SYT1: variants seen among roughly 807,000 people sequenced by gnomAD.
SYT1 encodes synaptotagmin 1, also known as synaptotagmin-1.
In SYT1, 8 loss-of-function variants were observed where a neutral mutation model predicts 44.8. The ratio of observed to expected loss-of-function variants is 0.18; its 90% CI spans 0.10 to 0.32. The LOEUF (loss-of-function observed/expected upper bound fraction) is 0.32. Among genes scored for constraint, SYT1 ranks in the 10% least tolerant of loss-of-function variants. SYT1 has a pLI of 1.00. For missense variants in SYT1, 286 were observed against 509.3 expected (o/e 0.56, Z 4.22); for synonymous variants, 154 against 188.8 (o/e 0.82, Z 1.51).
intron 8 of SYT1, among the ~76,000 whole-genome samples, chr12:79,334,785 T>G (rs1882013791): frequency 6.6e-6 from 1 of 152,202 alleles, no homozygotes; most frequent in Non-Finnish European, 1.5e-5. Flanking sequence ...CTTCATAGGT[T>G]GCCCTTTGTA....
intron 4 of SYT1, among the ~76,000 whole-genome samples, chr12:79,233,484 C>T (rs1565867177): frequency 6.6e-6 from 1 of 152,148 alleles, no homozygotes; most frequent in Non-Finnish European, 1.5e-5. Flanking sequence ...ATCAGGCACA[C>T]AAAGCACAGC....
chr12:79,125,025 G>T (rs150947950), intron 3 of SYT1, among the ~76,000 whole-genome samples: 157 of 152,012 alleles, frequency 1.0e-3, no homozygotes, highest in African/African-American at 3.2e-3. Flanking sequence ...GGTTTTGTTT[G>T]GTTTGGTTTG....
At chr12:79,179,825 G>A (rs969656223) in intron 3 of SYT1, among the ~76,000 whole-genome samples, 1 of 151,914 alleles carries the variant, frequency 6.6e-6, no homozygotes, top group African/African-American at 2.4e-5. Context: ...ACCACTAAGG[G>A]TGTCTCACTT....
rs79232336 is a variant in SYT1 at position 79,308,546 on chromosome 12, A to AAGACAGAAAGAC, written c.810+8998_810+8999insCAGAAAGACAGA. Among the ~76,000 whole-genome samples, 3 of 148,482 alleles carry AAGACAGAAAGAC rather than the reference A, an allele frequency of 2.0e-5. 1 individual carries two copies. Among genetic ancestry groups the AAGACAGAAAGAC allele is most frequent in the South Asian group, 4.4e-4 (2 of 4,594 alleles). On this transcript the variant is annotated intron_variant, in intron 8 of 10. Coordinates refer to ENST00000261205, the MANE Select transcript of SYT1 (RefSeq NM_005639.3). ...GAAAGAAGAAATAAAGAAAGAAAGA[A>AAGACAGAAAGAC]AGAAAAAAGAAAGAAAGGAAAAGAA...
chr12:79,132,674 CAAAAAAAAAAAAAAAA>C (rs71091641), intron 3 of SYT1, among the ~76,000 whole-genome samples: 1 of 43,716 alleles, frequency 2.3e-5, no homozygotes, highest in Non-Finnish European at 4.3e-5. Flanking sequence ...GGAGTTTTCT[CAAAAAAAAAAAAAAAA>C]AAAAAAAAAA....
At chr12:79,359,968 G>A (rs993466747) in intron 9 of SYT1, among the ~76,000 whole-genome samples, 1 of 151,968 alleles carries the variant, frequency 6.6e-6, no homozygotes, top group Admixed American at 6.6e-5. Context: ...AATCACCTAG[G>A]GTACTTATTA....
intron 9 of SYT1, among the ~76,000 whole-genome samples, chr12:79,422,971 C>CA (rs1555224750): frequency 6.6e-6 from 1 of 152,098 alleles, no homozygotes; most frequent in Non-Finnish European, 1.5e-5. Context: ...GTCCAATAGC[C>CA]AATCCACTAC....
chr12:79,048,140 T>C (rs1874211017), intron 3 of SYT1, among the ~76,000 whole-genome samples: 1 of 151,858 alleles, frequency 6.6e-6, no homozygotes, highest in East Asian at 1.9e-4. Flanking sequence ...GAAATTGCAT[T>C]TCAAACTCAA....
intron 9 of SYT1, among the ~76,000 whole-genome samples, chr12:79,431,509 T>TTA (rs1404720347): frequency 1.3e-4 from 13 of 102,944 alleles, no homozygotes; most frequent in African/African-American, 2.5e-4. Context: ...TTTTATTTTA[T>TTA]TTTATTATTT....
intron 8 of SYT1, among the ~76,000 whole-genome samples, chr12:79,343,516 G>T (rs948783842): frequency 6.6e-6 from 1 of 152,166 alleles, no homozygotes; most frequent in Non-Finnish European, 1.5e-5. Flanking sequence ...ATTGCCTGAG[G>T]CTTAGTAGGT....
intron 3 of SYT1, among the ~76,000 whole-genome samples, chr12:79,179,537 A>AGATATG (rs1872368333): frequency 4.7e-5 from 1 of 21,430 alleles, no homozygotes; most frequent in African/African-American, 2.6e-4. Flanking sequence ...ATATAGATAT[A>AGATATG]GATATAGAGA....
intron 3 of SYT1, among the ~76,000 whole-genome samples, chr12:79,154,495 A>AATC (rs1412158129): frequency 6.6e-6 from 1 of 151,818 alleles, no homozygotes. Flanking sequence ...TTGGAGCTAG[A>AATC]TTAGGAAGCA....
At chr12:79,067,333 C>G (rs1361155277) in intron 3 of SYT1, among the ~76,000 whole-genome samples, 1 of 151,806 alleles carries the variant, frequency 6.6e-6, no homozygotes, top group Non-Finnish European at 1.5e-5. Context: ...TTAAGTTCTG[C>G]TCTCTATATT....
chr12:79,330,233 T>C (rs1248579897), intron 8 of SYT1, among the ~76,000 whole-genome samples: 1 of 152,186 alleles, frequency 6.6e-6, no homozygotes. Context: ...CTGTTTCCTG[T>C]GCATTCAGGA....
intron 3 of SYT1, among the ~76,000 whole-genome samples, chr12:79,061,974 A>G (rs1875420509): frequency 6.6e-6 from 1 of 152,202 alleles, no homozygotes; most frequent in African/African-American, 2.4e-5. Flanking sequence ...GAAGAAAAAG[A>G]TAATTTTTTT....
intron 1 of SYT1, among the ~76,000 whole-genome samples, chr12:78,872,537 G>C (rs1873877393): frequency 6.6e-6 from 1 of 151,698 alleles, no homozygotes; most frequent in Admixed American, 6.6e-5. Context: ...GAATGATATA[G>C]GAATTCCTTT....
At chr12:79,345,639 A>G (rs565733223) in intron 8 of SYT1, among the ~76,000 whole-genome samples, 9 of 152,342 alleles carry the variant, frequency 5.9e-5, no homozygotes, top group African/African-American at 1.9e-4. Flanking sequence ...GCAACATTTC[A>G]CACTGTGACC....
intron 6 of SYT1, among the ~76,000 whole-genome samples, chr12:79,292,540 AT>A (rs1203709514): frequency 6.6e-6 from 1 of 152,212 alleles, no homozygotes; most frequent in Non-Finnish European, 1.5e-5. Flanking sequence ...TTCTAGCCAA[AT>A]TTTTGAAAAA....
chr12:79,046,360 A>G (rs958003208), intron 2 of SYT1: 17 of 152,218 alleles, frequency 1.1e-4, no homozygotes, highest in African/African-American at 3.1e-4. Context: ...CATACTTATT[A>G]TAAGACCTAT....
Sources: allele counts gnomAD v4.1 joint callset (sites outside exome capture counted in the v4.1 genomes callset), GRCh38; gene constraint gnomAD v4.1.1; transcripts MANE v1.5; gene names NCBI Gene and HGNC (gene_info 2026-07-23, HGNC 2026-07-21).